MCTP2: variants seen among roughly 807,000 people sequenced by gnomAD.
The protein encoded by MCTP2 is multiple C2 and transmembrane domain containing 2.
A neutral mutation model predicts 111.6 loss-of-function variants in MCTP2; 132 were observed. The observed-to-expected ratio is 1.18, with a 90% CI of 1.03 to 1.37. The LOEUF (loss-of-function observed/expected upper bound fraction) is 1.37. Ranked by LOEUF, MCTP2 falls within the 40% of genes most tolerant of loss-of-function variation. The pLI, the probability that MCTP2 is intolerant of heterozygous loss-of-function variation, is 0.00. For missense variants in MCTP2, 1,183 were observed against 1,067.9 expected (o/e 1.11, Z -1.50); for synonymous variants, 395 against 387.7 (o/e 1.02, Z -0.22).
rs199663326 is a variant in MCTP2 at position 94,406,858 on chromosome 15, GTTTT to G, written c.2085+4854_2085+4857del. 3.8e-5 allele frequency among the ~76,000 whole-genome samples: 5 copies of G among 132,090 alleles called. No homozygotes were observed. In the Admixed American group the frequency reaches 3.8e-4, roughly 10 times the overall value. 86.7% of individuals were successfully genotyped at this position (132,090 alleles called of 152,430 possible). A position where few individuals can be genotyped will look rare whatever the true frequency, so the allele number is the denominator to read the frequency against. ...ATGGAAGGCATTGGACTTTTCAGTT[GTTTT>G]TTTTTTTTTTTTTTAAGTATTCCAA... is the stretch of plus-strand genomic sequence containing the variant. On this transcript the variant is annotated intron_variant, in intron 17 of 22. Coordinates refer to ENST00000357742, the MANE Select transcript of MCTP2 (RefSeq NM_001385001.1).
chr15:94,435,187 A>G (rs2083404708), intron 17 of MCTP2, among the ~76,000 whole-genome samples: 1 of 152,084 alleles, frequency 6.6e-6, no homozygotes, highest in South Asian at 2.1e-4. Context: ...TAGTGTTTAG[A>G]ATCAGGTTAC....
At chr15:94,443,045 C>CTAT in intron 19 of MCTP2, 85 bp downstream of exon 19, 1 of 849,498 alleles carries the variant, frequency 1.2e-6, no homozygotes, top group Non-Finnish European at 1.7e-6. Flanking sequence ...TCTCTCTCCT[C>CTAT]TCTTTTTTTT....
chr15:94,465,677 T>A (rs1400921489), intron 20 of MCTP2, among the ~76,000 whole-genome samples: 1 of 152,204 alleles, frequency 6.6e-6, no homozygotes, highest in Non-Finnish European at 1.5e-5. Flanking sequence ...CACTGTAGCA[T>A]GTAATCCCTG....
At chr15:94,325,289 G>A (rs1399237477) in intron 4 of MCTP2, among the ~76,000 whole-genome samples, 1 of 152,190 alleles carries the variant, frequency 6.6e-6, no homozygotes, top group Non-Finnish European at 1.5e-5. Context: ...CGTGAGGTGG[G>A]TGGAGCTGAA....
At chr15:94,316,823 A>G (rs1053589363) in intron 4 of MCTP2, among the ~76,000 whole-genome samples, 29 of 151,836 alleles carry the variant, frequency 1.9e-4, no homozygotes, top group Non-Finnish European at 3.8e-4. Context: ...AGGCCTTTTT[A>G]TTCTAAAGAG....
chr15:94,270,379 A>T (rs143514280), intron 1 of MCTP2, among the ~76,000 whole-genome samples: 1 of 152,234 alleles, frequency 6.6e-6, no homozygotes, highest in Non-Finnish European at 1.5e-5. Context: ...TATGTAAAGC[A>T]GTGAACACAG....
chr15:94,384,535 A>G (rs1440656138), intron 13 of MCTP2, among the ~76,000 whole-genome samples: 1 of 152,158 alleles, frequency 6.6e-6, no homozygotes, highest in Non-Finnish European at 1.5e-5. Context: ...GGCTCCTTAT[A>G]TTCCAGTTTA....
At chr15:94,362,181 C>T (rs562400736) in intron 10 of MCTP2, among the ~76,000 whole-genome samples, 58 of 152,236 alleles carry the variant, frequency 3.8e-4, no homozygotes, top group African/African-American at 1.3e-3. Context: ...TAGATAGAAA[C>T]AGTGAGCTTT....
chr15:94,373,882 C>T (rs2079614675), intron 12 of MCTP2, among the ~76,000 whole-genome samples: 1 of 152,162 alleles, frequency 6.6e-6, no homozygotes, highest in Non-Finnish European at 1.5e-5. Context: ...GTAAACCAGG[C>T]CACAGCCTTG....
intron 1 of MCTP2, among the ~76,000 whole-genome samples, chr15:94,238,707 C>T (rs2070730823): frequency 6.6e-6 from 1 of 152,042 alleles, no homozygotes; most frequent in Admixed American, 6.6e-5. Flanking sequence ...GGACAGGGTG[C>T]TATGAGAGCA....
chr15:94,331,132 G>C (rs1468562990), intron 4 of MCTP2, among the ~76,000 whole-genome samples: 2 of 152,140 alleles, frequency 1.3e-5, no homozygotes, highest in East Asian at 3.8e-4. Flanking sequence ...AATTCATCAT[G>C]TTAATATATT....
chr15:94,370,174 T>A lies in MCTP2; in HGVS notation c.1576T>A (p.Phe526Ile), dbSNP rs757693370. The A allele has an allele frequency of 6.2e-7, 1 of 1,610,602 alleles. No homozygotes were observed. Among genetic ancestry groups the A allele is most frequent in the Non-Finnish European group, 8.5e-7 (1 of 1,178,322 alleles). Residue 526 changes from phenylalanine (F) to isoleucine (I), a missense_variant, in exon 12 of 23, where the codon TTC (phenylalanine) becomes ATC (isoleucine). Transcript: ENST00000357742. ...LKAADLLAAD[F>I]SGKSDPFCLL... The stretch of plus-strand genomic sequence containing the variant: ...GGCAGCAGATCTCTTAGCGGCAGAT[T>A]TCTCAGGTACAGGACATTTTCATTT...
At chr15:94,239,555 C>T (rs1392623050) in intron 1 of MCTP2, among the ~76,000 whole-genome samples, 1 of 152,212 alleles carries the variant, frequency 6.6e-6, no homozygotes, top group Admixed American at 6.5e-5. Context: ...CATGAGCTCC[C>T]TCCCCTGTCT....
At chr15:94,380,054 CTTTCTGAACT>C (rs890188570) in intron 12 of MCTP2, among the ~76,000 whole-genome samples, 32 of 152,030 alleles carry the variant, frequency 2.1e-4, no homozygotes, top group Middle Eastern at 3.4e-3. Context: ...ACTAAGAAAT[CTTTCTGAACT>C]TTTCTGAACT....
intron 10 of MCTP2, among the ~76,000 whole-genome samples, chr15:94,364,737 G>A (rs118079273): frequency 8.3e-4 from 126 of 152,212 alleles, no homozygotes; most frequent in Non-Finnish European, 1.5e-3. Flanking sequence ...AAAAAATTCT[G>A]TTGCTTTTCT....
intron 17 of MCTP2, among the ~76,000 whole-genome samples, chr15:94,439,603 A>G (rs1442668149): frequency 6.6e-6 from 1 of 152,206 alleles, no homozygotes. Flanking sequence ...TTGCCTTTCT[A>G]TGTGAGGAGT....
At chr15:94,395,788 A>G (rs2081253260) in intron 14 of MCTP2, among the ~76,000 whole-genome samples, 1 of 152,226 alleles carries the variant, frequency 6.6e-6, no homozygotes, top group Non-Finnish European at 1.5e-5. Context: ...ATTTTCAGCA[A>G]GACTGTCTTC....
At chr15:94,475,845 G>A (rs995275964) in intron 21 of MCTP2, among the ~76,000 whole-genome samples, 4 of 152,174 alleles carry the variant, frequency 2.6e-5, no homozygotes, top group Non-Finnish European at 5.9e-5. Flanking sequence ...TCCTGGATAT[G>A]CACGGGAACC....
At position 94,287,240 on chromosome 15, in the gene MCTP2, C is replaced by CTT. The variant is rs35719673; in HGVS notation, c.-65-10951_-65-10950dup. Among the ~76,000 whole-genome samples the CTT allele has an allele frequency of 3.4e-3, 502 of 149,460 alleles. 1 individual carries two copies. Among genetic ancestry groups the CTT allele is most frequent in the African/African-American group, 6.3e-3 (255 of 40,622 alleles). On this transcript the variant is annotated intron_variant, in intron 1 of 22. Coordinates refer to ENST00000357742, the MANE Select transcript of MCTP2 (RefSeq NM_001385001.1). ...GCGTACATTACGTACTTTAAGAGCACTTTTTTTTTTTCTGGACACATCTTT... is the reference window on the plus strand; with the variant it reads ...GCGTACATTACGTACTTTAAGAGCACTTTTTTTTTTTTTCTGGACACATCTTT...
Sources: gnomAD v4.1 joint callset for allele counts (sites outside exome capture counted in the v4.1 genomes callset) on GRCh38, gnomAD v4.1.1 for gene constraint, MANE v1.5 for transcripts, NCBI Gene and HGNC (gene_info 2026-07-23, HGNC 2026-07-21) for gene names.